Variants in FSIP1 observed in about 807,000 individuals in gnomAD.
FSIP1 encodes fibrous sheath interacting protein 1.
FSIP1 carries 65 observed loss-of-function variants against 60.9 expected under a neutral mutation model. The observed-to-expected ratio is 1.07, with a 90% CI of 0.87 to 1.31. The LOEUF (loss-of-function observed/expected upper bound fraction) is 1.31. FSIP1 is among the 40% of genes most tolerant of loss of function. FSIP1 has a pLI of 0.00. For missense variants in FSIP1, 675 were observed against 665.5 expected (o/e 1.01, Z -0.16); for synonymous variants, 209 against 221.2 (o/e 0.94, Z 0.49).
At chr15:39,694,245 T>C (rs1037481892) in intron 10 of FSIP1, among the ~76,000 whole-genome samples, 1 of 152,112 alleles carries the variant, frequency 6.6e-6, no homozygotes, top group African/African-American at 2.4e-5. Flanking sequence ...TGAAATCTAA[T>C]TGCATTTACT....
At chr15:39,779,736 C>A (rs1327723585) in intron 1 of FSIP1, among the ~76,000 whole-genome samples, 7 of 152,190 alleles carry the variant, frequency 4.6e-5, no homozygotes, top group Non-Finnish European at 1.5e-5. Context: ...ATATAACATT[C>A]ATTTCAAACA....
intron 10 of FSIP1, among the ~76,000 whole-genome samples, chr15:39,708,733 A>G (rs1273548171): frequency 1.3e-5 from 2 of 152,080 alleles, no homozygotes; most frequent in African/African-American, 4.8e-5. Context: ...AATATGATCC[A>G]TTTTGCTTAC....
At chr15:39,614,076 C>A (rs1213307527) in intron 11 of FSIP1, among the ~76,000 whole-genome samples, 1 of 151,870 alleles carries the variant, frequency 6.6e-6, no homozygotes, top group Non-Finnish European at 1.5e-5. Flanking sequence ...AATGTCCTGG[C>A]CAGAGTTACG....
intron 10 of FSIP1, among the ~76,000 whole-genome samples, chr15:39,654,565 G>A (rs1309836384): frequency 2.6e-5 from 4 of 152,222 alleles, no homozygotes; most frequent in Admixed American, 2.6e-4. Context: ...CTCTTTGAGA[G>A]ACAATAAATC....
chr15:39,741,739 A>T, intron 6 of FSIP1, 66 bp downstream of exon 6: 1 of 789,196 alleles, frequency 1.3e-6, no homozygotes. Flanking sequence ...TTCATTTATG[A>T]ATATTTCTGT....
intron 8 of FSIP1, among the ~76,000 whole-genome samples, chr15:39,734,175 G>A (rs1896522842): frequency 6.6e-6 from 1 of 152,148 alleles, no homozygotes; most frequent in Admixed American, 6.5e-5. Context: ...AAAGGATTTT[G>A]CAAGTAGAAT....
intron 5 of FSIP1, among the ~76,000 whole-genome samples, chr15:39,745,160 T>C (rs1896953183): frequency 7.6e-6 from 1 of 131,232 alleles, no homozygotes; most frequent in Admixed American, 8.9e-5. Context: ...CCAGACACCA[T>C]CCTGAGAAAA....
intron 10 of FSIP1, among the ~76,000 whole-genome samples, chr15:39,676,462 C>A (rs1346158238): frequency 6.6e-6 from 1 of 152,140 alleles, no homozygotes; most frequent in African/African-American, 2.4e-5. Flanking sequence ...TGTGAGAAAC[C>A]TATTGAGCAG....
chr15:39,687,288 A>G lies in FSIP1; in HGVS notation c.1188+26156T>C, dbSNP rs377525573. ...TCCTGCTTCAGCCTCCCAAGTAGCT[A>G]AGATTACAGGCATGTGCCACCACAC... On this transcript the variant is annotated intron_variant, in intron 10 of 11. Transcript: ENST00000350221. Among the ~76,000 whole-genome samples, 535 of 151,616 alleles carry G rather than the reference A, an allele frequency of 3.5e-3. 4 individuals are homozygous for G. The highest frequency in any genetic ancestry group is 0.012 in the African/African-American group (506 of 41,384).
intron 2 of FSIP1, among the ~76,000 whole-genome samples, chr15:39,774,368 G>A (rs776034843): frequency 1.5e-4 from 23 of 151,914 alleles, no homozygotes; most frequent in Non-Finnish European, 2.6e-4. Context: ...CTGTAGCCCC[G>A]GCTATTCGGG....
chr15:39,675,536 C>T (rs1007540055), intron 10 of FSIP1, among the ~76,000 whole-genome samples: 2 of 152,036 alleles, frequency 1.3e-5, no homozygotes, highest in African/African-American at 4.8e-5. Flanking sequence ...CCACTGCATA[C>T]AAAAATATAG....
chr15:39,609,276 G>T (rs994445407), intron 11 of FSIP1, among the ~76,000 whole-genome samples: 2 of 152,196 alleles, frequency 1.3e-5, no homozygotes, highest in Non-Finnish European at 2.9e-5. Flanking sequence ...ATAGTCAACT[G>T]ATCTGCCAGG....
chr15:39,699,380 T>C (rs1000667369), intron 10 of FSIP1, among the ~76,000 whole-genome samples: 3 of 152,196 alleles, frequency 2.0e-5, no homozygotes, highest in South Asian at 2.1e-4. Flanking sequence ...AATCTTAATG[T>C]TGGATACAAA....
intron 5 of FSIP1, among the ~76,000 whole-genome samples, chr15:39,746,204 G>T (rs994027713): frequency 6.6e-6 from 1 of 152,258 alleles, no homozygotes; most frequent in East Asian, 1.9e-4. Context: ...ACAAATGATA[G>T]AAAGGGAAAG....
chr15:39,676,138 A>C (rs1188135978), intron 10 of FSIP1, among the ~76,000 whole-genome samples: 1 of 145,224 alleles, frequency 6.9e-6, no homozygotes, highest in African/African-American at 2.5e-5. Context: ...GCGCCACTGC[A>C]CTTCAGCCTG....
At chr15:39,645,867 GCAGA>G (rs1892579872) in intron 10 of FSIP1, among the ~76,000 whole-genome samples, 1 of 152,234 alleles carries the variant, frequency 6.6e-6, no homozygotes, top group Non-Finnish European at 1.5e-5. Context: ...GCAGCAGGAG[GCAGA>G]CAGAGTCCGG....
chr15:39,687,126 CTT>C (rs796169162), intron 10 of FSIP1, among the ~76,000 whole-genome samples: 1 of 74,958 alleles, frequency 1.3e-5, no homozygotes, highest in African/African-American at 5.4e-5. Context: ...TTCTTTCTTT[CTT>C]TTCTTTTCCT....
chr15:39,617,562 C>A (rs377090505), intron 11 of FSIP1, among the ~76,000 whole-genome samples, 173 bp downstream of exon 11: 5 of 152,314 alleles, frequency 3.3e-5, no homozygotes, highest in Admixed American at 1.3e-4. Flanking sequence ...CTAACCTCAA[C>A]TTTGATTTCA....
At chr15:39,621,048 G>T (rs1432704089) in intron 10 of FSIP1, among the ~76,000 whole-genome samples, 1 of 141,428 alleles carries the variant, frequency 7.1e-6, no homozygotes, top group Non-Finnish European at 1.5e-5. Context: ...CAAGAGAAGG[G>T]CATTTCTTAA....
Sources: allele counts gnomAD v4.1 joint callset (sites outside exome capture counted in the v4.1 genomes callset), GRCh38; gene constraint gnomAD v4.1.1; transcripts MANE v1.5; gene names NCBI Gene and HGNC (gene_info 2026-07-23, HGNC 2026-07-21).